Variants in KLHL18 observed in about 807,000 individuals in gnomAD.
KLHL18 encodes the protein kelch like family member 18.
Under a neutral mutation model 58.5 loss-of-function variants are expected in KLHL18, and 38 were observed. The observed-to-expected ratio is 0.65, with a 90% CI of 0.50 to 0.85. The LOEUF is 0.85. Ranked by LOEUF, KLHL18 falls within the 40% of genes least tolerant of loss-of-function variation. The probability of loss-of-function intolerance (pLI) is 0.00; values close to 1 mark genes in which losing one functional copy is unlikely to be tolerated. For missense variants in KLHL18, 624 were observed against 778.4 expected, an observed-to-expected ratio of 0.80 and a Z score of 2.36; for synonymous variants, 303 against 301.9, an observed-to-expected ratio of 1.00 and a Z score of -0.04.
chr3:47,344,096 A>C lies in KLHL18; in HGVS notation c.*155A>C. On this transcript the variant is annotated 3_prime_UTR_variant, in exon 10 of 10. Transcript: ENST00000232766. ...TTTCCAGGTGCTTAAGCCCTCCCCC[A>C]CTGTGCCACCCTTGTGACCTTCAGG... 1.2e-6 allele frequency: 1 copy of C among 838,832 alleles called. No individual in the cohort carries two copies. The highest frequency in any genetic ancestry group is 1.8e-6 in the Non-Finnish European group (1 of 553,176). 52.0% of individuals were successfully genotyped at this position (838,832 alleles called of 1,614,324 possible).
chr3:47,307,940 C>T (rs1402373012), intron 1 of KLHL18, among the ~76,000 whole-genome samples: 2 of 152,102 alleles, frequency 1.3e-5, no homozygotes, highest in Admixed American at 6.5e-5. Flanking sequence ...ATTTCTATTG[C>T]TTTATAGGTG....
intron 3 of KLHL18, among the ~76,000 whole-genome samples, chr3:47,324,294 C>CTTTTTTTTTTTTTTTTTTTT (rs1559498832): frequency 3.8e-4 from 4 of 10,616 alleles, no homozygotes; most frequent in African/African-American, 8.3e-4. Flanking sequence ...CTTTTTCTTT[C>CTTTTTTTTTTTTTTTTTTTT]TTTCTTTTTT....
chr3:47,337,069 C>G (rs1009394305), intron 7 of KLHL18: 1 of 284,488 alleles, frequency 3.5e-6, no homozygotes. Context: ...AGAAACTGGA[C>G]TGGAACTTCT....
At chr3:47,322,844 C>G (rs753555820) in intron 3 of KLHL18, 136 bp downstream of exon 3, 1 of 802,028 alleles carries the variant, frequency 1.2e-6, no homozygotes, top group African/African-American at 1.8e-5. Context: ...GCAGCACTTA[C>G]ATTTCTTGAA....
chr3:47,303,643 A>G (rs931840624), intron 1 of KLHL18, among the ~76,000 whole-genome samples: 1 of 152,164 alleles, frequency 6.6e-6, no homozygotes, highest in African/African-American at 2.4e-5. Context: ...GGCTGGCTTC[A>G]AACTGCAGGG....
At chr3:47,308,729 C>T (rs1184406647) in intron 1 of KLHL18, among the ~76,000 whole-genome samples, 1 of 152,030 alleles carries the variant, frequency 6.6e-6, no homozygotes, top group East Asian at 1.9e-4. Context: ...CTCCTTCCTT[C>T]CCTCCCTCCC....
At chr3:47,319,084 G>A (rs950165959) in intron 1 of KLHL18, among the ~76,000 whole-genome samples, 17 of 152,248 alleles carry the variant, frequency 1.1e-4, no homozygotes, top group Admixed American at 5.2e-4. Context: ...GTGTGTCAGT[G>A]AGGATTTGAC....
At chr3:47,322,806 G>A in intron 3 of KLHL18, 98 bp downstream of exon 3, 1 of 1,192,064 alleles carries the variant, frequency 8.4e-7, no homozygotes, top group Non-Finnish European at 1.1e-6. Flanking sequence ...ATAGGTTTAT[G>A]AAGGGAGTGA....
Position 47,344,314 on chromosome 3 carries a change from G to C in KLHL18, c.*373G>C. ...CTCCCCATCGCCTGCTTGCTCTCCA[G>C]CCGAGTCTGGCCAATTTGCCATGGG... On this transcript the variant is annotated 3_prime_UTR_variant, in exon 10 of 10. Transcript: ENST00000232766. 1 of 281,884 alleles carries C rather than the reference G, an allele frequency of 3.5e-6. No individual in the cohort carries two copies. Among genetic ancestry groups the C allele is most frequent in the Non-Finnish European group, 6.8e-6 (1 of 147,666 alleles). The allele number at this position is 281,884 out of a possible 1,614,324, so 17.5% of individuals were successfully genotyped here.
intron 1 of KLHL18, among the ~76,000 whole-genome samples, chr3:47,285,991 G>A (rs188171550): frequency 1.4e-3 from 213 of 151,078 alleles, no homozygotes; most frequent in Non-Finnish European, 1.3e-3. Context: ...AGTGAGCCGA[G>A]ATCGTGCCAC....
chr3:47,314,926 C>A (rs982997574), intron 1 of KLHL18, among the ~76,000 whole-genome samples: 7 of 152,112 alleles, frequency 4.6e-5, no homozygotes, highest in African/African-American at 1.7e-4. Context: ...TTCTCTGTAG[C>A]TGGTTTTTTT....
rs1704093007 is a variant in KLHL18 at position 47,340,777 on chromosome 3, A to G, written c.1226+101A>G. 3 of 1,342,794 alleles carry G rather than the reference A, an allele frequency of 2.2e-6. No homozygotes were observed. In the East Asian group the frequency reaches 7.2e-5, roughly 32 times the overall value. The allele number at this position is 1,342,794 out of a possible 1,614,324, so 83.2% of individuals were successfully genotyped here. ...AATTTAAGCTTCTCAAGGGTAGAGAATGTCTTACCTTTTTGCCCGTATAGT... is the reference window on the plus strand; with the variant it reads ...AATTTAAGCTTCTCAAGGGTAGAGAGTGTCTTACCTTTTTGCCCGTATAGT... On this transcript the variant is annotated intron_variant, in intron 8 of 9. Transcript: ENST00000232766.
At chr3:47,324,129 GC>G (rs1194032987) in intron 3 of KLHL18, among the ~76,000 whole-genome samples, 1 of 152,014 alleles carries the variant, frequency 6.6e-6, no homozygotes, top group Non-Finnish European at 1.5e-5. Context: ...CCTTGTCCCT[GC>G]TGTGGGATGC....
chr3:47,305,211 G>A (rs765561891), intron 1 of KLHL18, among the ~76,000 whole-genome samples: 4 of 151,686 alleles, frequency 2.6e-5, no homozygotes, highest in Admixed American at 6.6e-5. Context: ...AGGGGTGAGC[G>A]TTCAGTGTTT....
intron 1 of KLHL18, among the ~76,000 whole-genome samples, chr3:47,306,299 T>C (rs1220898086): frequency 6.6e-6 from 1 of 152,184 alleles, no homozygotes; most frequent in African/African-American, 2.4e-5. Flanking sequence ...CGAAGCATGT[T>C]GGACCTTTGA....
At chr3:47,302,176 GAAAAT>G (rs1366329309) in intron 1 of KLHL18, among the ~76,000 whole-genome samples, 1 of 152,162 alleles carries the variant, frequency 6.6e-6, no homozygotes, top group African/African-American at 2.4e-5. Context: ...GGAAATTAGA[GAAAAT>G]AAAATGTTGT....
At position 47,334,613 on chromosome 3, in the gene KLHL18, G is replaced by A; in HGVS notation, c.762-70G>A. The A allele has an allele frequency of 6.4e-7, 1 of 1,572,666 alleles. No homozygotes were observed. Among genetic ancestry groups the A allele is most frequent in the Non-Finnish European group, 8.7e-7 (1 of 1,148,482 alleles). ...CCTGCAGTTGGCAGTGGAGAGCCAG[G>A]CTCAGAGATGCAAACGAGGACTAAG... On this transcript the variant is annotated intron_variant, in intron 5 of 9. Coordinates refer to ENST00000232766, the MANE Select transcript of KLHL18 (RefSeq NM_025010.5). This position sits in a 1 kb window ranked among gnomAD's most constrained non-coding sequence, Gnocchi z 4.7.
chr3:47,334,884 A>T lies in KLHL18; in HGVS notation c.898+65A>T. ...TCCATGGATGAGGAAGCACCAGACAAATTAGCCTGGCCCTTCTGGTTTCTC... is the reference window on the plus strand; with the variant it reads ...TCCATGGATGAGGAAGCACCAGACATATTAGCCTGGCCCTTCTGGTTTCTC... On this transcript the variant is annotated intron_variant, in intron 6 of 9. Coordinates refer to ENST00000232766, the MANE Select transcript of KLHL18 (RefSeq NM_025010.5). The surrounding 1 kb of genome is among the most constrained non-coding windows in gnomAD (Gnocchi z 4.7). 2 of 1,513,994 alleles carry T rather than the reference A, an allele frequency of 1.3e-6. No homozygotes were observed. Among genetic ancestry groups the T allele is most frequent in the South Asian group, 2.4e-5 (2 of 82,910 alleles). 93.8% of individuals were successfully genotyped at this position (1,513,994 alleles called of 1,614,324 possible).
chr3:47,306,863 G>T (rs1164445356), intron 1 of KLHL18, among the ~76,000 whole-genome samples: 2 of 152,102 alleles, frequency 1.3e-5, no homozygotes, highest in Non-Finnish European at 2.9e-5. Flanking sequence ...TGTGATGCTA[G>T]CATTCCCCTG....
Sources: allele counts gnomAD v4.1 joint callset (sites outside exome capture counted in the v4.1 genomes callset), GRCh38; gene constraint gnomAD v4.1.1; non-coding constraint Gnocchi (gnomAD v3.1); transcripts MANE v1.5; gene names NCBI Gene and HGNC (gene_info 2026-07-23, HGNC 2026-07-21).